Variants in ZC3H14 observed in about 807,000 individuals in gnomAD.
ZC3H14 encodes the protein zinc finger CCCH-type containing 14.
ZC3H14 carries 31 observed loss-of-function variants against 92.4 expected under a neutral mutation model. The observed-to-expected ratio is 0.34, with a 90% CI of 0.25 to 0.45. The LOEUF (loss-of-function observed/expected upper bound fraction) is 0.45, where lower values mean the gene tolerates loss of function less well. Among genes scored for constraint, ZC3H14 ranks in the 20% least tolerant of loss-of-function variants. ZC3H14 has a pLI of 1.00. For missense variants in ZC3H14, 781 were observed against 897.3 expected (o/e 0.87, Z 1.66); for synonymous variants, 321 against 300.9 (o/e 1.07, Z -0.69).
intron 10 of ZC3H14, among the ~76,000 whole-genome samples, chr14:88,599,514 G>A (rs1229263997): frequency 6.6e-6 from 1 of 152,144 alleles, no homozygotes; most frequent in Admixed American, 6.5e-5. Context: ...GGCTGCTAAC[G>A]TTCCGCTTGC....
intron 12 of ZC3H14, among the ~76,000 whole-genome samples, chr14:88,605,432 A>G (rs1330413245): frequency 6.6e-6 from 1 of 152,118 alleles, no homozygotes; most frequent in East Asian, 1.9e-4. Context: ...CCCAGGCTCA[A>G]GTGATTCTCC....
chr14:88,599,957 T>C (rs2084374873), intron 10 of ZC3H14, among the ~76,000 whole-genome samples: 1 of 152,168 alleles, frequency 6.6e-6, no homozygotes, highest in African/African-American at 2.4e-5. Flanking sequence ...GAGGATTCAG[T>C]GAGAGACGGC....
chr14:88,596,922 T>G, intron 10 of ZC3H14, 114 bp downstream of exon 10: 1 of 861,174 alleles, frequency 1.2e-6, no homozygotes, highest in East Asian at 2.6e-5. Context: ...AGATGTTATA[T>G]TTAGATCTGT....
intron 13 of ZC3H14, among the ~76,000 whole-genome samples, chr14:88,607,817 G>C (rs775521908): frequency 7.4e-3 from 234 of 31,522 alleles, no homozygotes; most frequent in African/African-American, 8.5e-3. Context: ...CCCCACCTCA[G>C]CCTGCAAGTA....
intron 11 of ZC3H14, 113 bp from the exon 12 acceptor site, chr14:88,602,715 T>G: frequency 8.7e-7 from 1 of 1,155,716 alleles, no homozygotes; most frequent in Non-Finnish European, 1.3e-6. Flanking sequence ...TCTTTTTTTA[T>G]TGAACCAAAC....
At position 88,615,739 on chromosome 14, in the gene ZC3H14, C is replaced by A; in HGVS notation, c.*3988C>A. 2 of 1,375,974 alleles carry A rather than the reference C, an allele frequency of 1.5e-6. No homozygotes were observed. The highest frequency in any genetic ancestry group is 2.4e-5 in the East Asian group (1 of 42,114). The allele number at this position is 1,375,974 out of a possible 1,614,324, so 85.2% of individuals were successfully genotyped here. A position where few individuals can be genotyped will look rare whatever the true frequency, so the allele number is the denominator to read the frequency against. Reference sequence around the variant, plus strand: ...ACAGTCTTGGGTTAGCACCACTTGACCATGCAGGGTTGGGTTTTGGTTTTT... The same window carrying A: ...ACAGTCTTGGGTTAGCACCACTTGAACATGCAGGGTTGGGTTTTGGTTTTT... On this transcript the variant is annotated 3_prime_UTR_variant, in exon 17 of 17. Transcript: ENST00000251038.
chr14:88,574,117 C>T (rs1366534070), intron 6 of ZC3H14, among the ~76,000 whole-genome samples: 1 of 152,084 alleles, frequency 6.6e-6, no homozygotes, highest in African/African-American at 2.4e-5. Context: ...AGTGAGCAAC[C>T]AATTAACTCT....
chr14:88,614,071 C>T lies in ZC3H14; in HGVS notation c.*2320C>T, dbSNP rs1259052779. ...TTACATGCTTAAGGTTACAGAGTTT[C>T]TACCTGCACTGTAATGGAAATATAA... On this transcript the variant is annotated 3_prime_UTR_variant, in exon 17 of 17. Coordinates refer to ENST00000251038, the MANE Select transcript of ZC3H14 (RefSeq NM_024824.5). 6.6e-6 allele frequency: 1 copy of T among 152,182 alleles called. No individual in the cohort carries two copies. Among genetic ancestry groups the T allele is most frequent in the Non-Finnish European group, 1.5e-5 (1 of 68,032 alleles). The allele number at this position is 152,182 out of a possible 1,614,324, so 9.4% of individuals were successfully genotyped here.
intron 3 of ZC3H14, 91 bp from the exon 4 acceptor site, chr14:88,570,993 T>C: frequency 9.7e-7 from 1 of 1,029,320 alleles, no homozygotes; most frequent in Non-Finnish European, 1.3e-6. Flanking sequence ...AAAAATTATC[T>C]CTGAATATAA....
chr14:88,596,926 G>C, intron 10 of ZC3H14, 118 bp downstream of exon 10: 1 of 851,826 alleles, frequency 1.2e-6, no homozygotes, highest in Non-Finnish European at 2.0e-6. Flanking sequence ...GTTATATTTA[G>C]ATCTGTGAAA....
intron 4 of ZC3H14, 64 bp from the exon 5 acceptor site, chr14:88,571,966 A>G: frequency 1.6e-6 from 2 of 1,261,894 alleles, no homozygotes; most frequent in African/African-American, 1.6e-5. Context: ...CCATCTCAAA[A>G]ATAAATAAAT....
chr14:88,587,679 C>G (rs547861791), intron 9 of ZC3H14, among the ~76,000 whole-genome samples: 2 of 152,276 alleles, frequency 1.3e-5, no homozygotes, highest in African/African-American at 4.8e-5. Flanking sequence ...TGGTTGGTGG[C>G]TCACACCTGT....
At chr14:88,608,502 G>C in intron 13 of ZC3H14, 2 of 268,860 alleles carry the variant, frequency 7.4e-6, no homozygotes, top group Non-Finnish European at 1.5e-5. Context: ...CCAGAGTAGC[G>C]TATTTCTTGT....
intron 3 of ZC3H14, among the ~76,000 whole-genome samples, chr14:88,570,234 CTATTG>C (rs1289804858): frequency 1.3e-5 from 2 of 152,160 alleles, no homozygotes; most frequent in African/African-American, 4.8e-5. Context: ...CCCAAACAGA[CTATTG>C]TGATTATTTG....
At chr14:88,595,182 G>C (rs1267860357) in intron 9 of ZC3H14, 1 of 1,588,460 alleles carries the variant, frequency 6.3e-7, no homozygotes, top group Non-Finnish European at 8.5e-7. Context: ...TATGTTGACT[G>C]TAGCTCTGAT....
At chr14:88,597,725 C>G (rs372278583) in intron 10 of ZC3H14, among the ~76,000 whole-genome samples, 1 of 152,214 alleles carries the variant, frequency 6.6e-6, no homozygotes, top group Non-Finnish European at 1.5e-5. Context: ...ATTTTGCTCT[C>G]TCATCTCCCA....
chr14:88,607,836 C>T (rs1195625685), intron 13 of ZC3H14, among the ~76,000 whole-genome samples: 1 of 139,566 alleles, frequency 7.2e-6, no homozygotes, highest in Non-Finnish European at 1.5e-5. Context: ...TACCATCCCC[C>T]ACCTCAGCCT....
Position 88,594,640 on chromosome 14 carries a change from A to G in ZC3H14, c.1280-2094A>G, listed in dbSNP as rs376965221. 7 of 1,606,442 alleles carry G rather than the reference A, an allele frequency of 4.4e-6. No individual in the cohort carries two copies. In the East Asian group the frequency reaches 6.7e-5, roughly 15 times the overall value. On this transcript the variant is annotated intron_variant, in intron 9 of 16. Transcript: ENST00000251038. ...TGATCACTGCTTTTACTTTCGATGAAATAACTTAATGAGCTGTGAAGAAAA... is the reference window on the plus strand; with the variant it reads ...TGATCACTGCTTTTACTTTCGATGAGATAACTTAATGAGCTGTGAAGAAAA...
intron 9 of ZC3H14, among the ~76,000 whole-genome samples, chr14:88,596,438 C>T (rs527271093): frequency 6.6e-6 from 1 of 152,250 alleles, no homozygotes; most frequent in South Asian, 2.1e-4. Flanking sequence ...CTGGATTTTC[C>T]ACCCGTTTGC....
Sources: gnomAD v4.1 joint callset for allele counts (sites outside exome capture counted in the v4.1 genomes callset) on GRCh38, gnomAD v4.1.1 for gene constraint, MANE v1.5 for transcripts, NCBI Gene and HGNC (gene_info 2026-07-23, HGNC 2026-07-21) for gene names.